IKBKG: variants seen among roughly 807,000 people sequenced by gnomAD.
The protein encoded by IKBKG is inhibitor of nuclear factor kappa B kinase regulatory subunit gamma, also known as NF-kappa-B essential modulator.
A neutral mutation model predicts 13.7 loss-of-function variants in IKBKG; 2 were observed. The observed-to-expected ratio is 0.15, with a 90% CI of 0.06 to 0.46. The LOEUF (loss-of-function observed/expected upper bound fraction) is 0.46. Ranked by LOEUF, IKBKG falls within the 20% of genes least tolerant of loss-of-function variation. IKBKG has a pLI of 0.98. For synonymous variants in IKBKG, 22 were observed against 64.4 expected, an observed-to-expected ratio of 0.34 and a Z score of 3.15; for missense variants, 53 against 150.3, an observed-to-expected ratio of 0.35 and a Z score of 3.39.
intron 1 of IKBKG, among the ~76,000 whole-genome samples, chrX:154,548,602 C>T (rs1437650890): frequency 8.9e-6 from 1 of 112,327 alleles, no homozygotes; most frequent in African/African-American, 3.2e-5. Context: ...CTCGCTCTGT[C>T]GCCCAGGCTG....
In IKBKG at chrX:154,562,814, T is replaced by C; in HGVS notation, c.773T>C (p.Met258Thr). ...SVVGSERKRG[M>T]QLEDLKQQLQ... ...GCTCCCCTTGCCCGTCCTTAGGGAA[T>C]GCAGCTGGAAGATCTCAAACAGCAG... Residue 258 changes from methionine (M) to threonine (T), a missense_variant, in exon 7 of 10, where the codon ATG becomes ACG. Physicochemically the swap from Met to Thr is moderately conservative, Grantham distance 81. This residue lies in a region of IKBKG where 5 missense variants were observed against 16.0 expected (regional missense o/e 0.31). Transcript: ENST00000594239. 4 of 310,014 alleles carry C rather than the reference T, an allele frequency of 1.3e-5. No homozygotes were observed. The South Asian group carries it at 1.6e-4, about 12-fold the overall frequency. The allele number at this position is 310,014 out of a possible 1,213,427, so 25.5% of individuals were successfully genotyped here. A position where few individuals can be genotyped will look rare whatever the true frequency, so the allele number is the denominator to read the frequency against.
chrX:154,547,042 C>T, upstream of IKBKG: 1 of 187,661 alleles, frequency 5.3e-6, no homozygotes, highest in East Asian at 1.1e-4. Flanking sequence ...TGGAGGCCGG[C>T]CCGCCGGCTG....
At chrX:154,544,964 T>C (rs782777764), upstream of IKBKG, among the ~76,000 whole-genome samples, 3 of 112,374 alleles carry the variant, frequency 2.7e-5, no homozygotes, top group East Asian at 5.6e-4. Flanking sequence ...GGTAAGTTAA[T>C]GGCAAAGATG....
chrX:154,541,578 T>G (rs1557231921), intron 1 of IKBKG, among the ~76,000 whole-genome samples: 1 of 111,866 alleles, frequency 8.9e-6, no homozygotes, highest in East Asian at 2.8e-4. Context: ...TCGGGAAACC[T>G]GACAGCTTGG....
upstream of IKBKG, among the ~76,000 whole-genome samples, chrX:154,543,416 G>A (rs782209623): frequency 2.7e-5 from 3 of 112,367 alleles, no homozygotes; most frequent in Non-Finnish European, 5.6e-5. Context: ...TTTGCTACAC[G>A]AAATGCTGAG....
chrX:154,548,215 T>C (rs1557234206), intron 1 of IKBKG: 1 of 506,666 alleles, frequency 2.0e-6, no homozygotes, highest in Non-Finnish European at 2.4e-6. Context: ...CGGAGGTCAC[T>C]ATAGCTGGAG....
intron 2 of IKBKG, among the ~76,000 whole-genome samples, chrX:154,553,449 C>T (rs188694806): frequency 8.9e-6 from 1 of 112,908 alleles, no homozygotes; most frequent in East Asian, 2.8e-4. Context: ...GATGTGTCTC[C>T]TCTTACTGTC....
At chrX:154,554,180 G>A (rs2071004408) in intron 2 of IKBKG, among the ~76,000 whole-genome samples, 2 of 112,647 alleles carry the variant, frequency 1.8e-5, no homozygotes, top group African/African-American at 3.2e-5. Context: ...CCATGGAGGA[G>A]GCTGTACTTA....
chrX:154,550,957 C>T (rs1557234874), intron 1 of IKBKG, among the ~76,000 whole-genome samples: 1 of 110,382 alleles, frequency 9.1e-6, no homozygotes, highest in Admixed American at 9.6e-5. Context: ...GGGCTACAGG[C>T]GCCCGCTACC....
upstream of IKBKG, chrX:154,547,253 CT>C (rs2070765692): frequency 5.9e-6 from 4 of 681,204 alleles, no homozygotes; most frequent in South Asian, 3.0e-4. Flanking sequence ...TGGGCTGTCC[CT>C]CGGCTCCTGG....
chrX:154,546,783 G>A (rs782232679), upstream of IKBKG: 22 of 1,156,157 alleles, frequency 1.9e-5, no homozygotes, highest in Non-Finnish European at 2.1e-5. Context: ...CCGCCCGGCC[G>A]GTTACCTGCG....
At chrX:154,546,839 C>T, upstream of IKBKG, 1 of 1,143,708 alleles carries the variant, frequency 8.7e-7, no homozygotes. Context: ...AAGTGTACGA[C>T]CGTTTCCGGG....
Position 154,549,582 on chromosome X carries a change from CACT to C in IKBKG, c.-16+1839_-16+1841del, listed in dbSNP as rs1380665853. On this transcript the variant is annotated intron_variant, in intron 1 of 9. Transcript: ENST00000594239. Reference sequence around the variant, plus strand: ...GGTGTGAACCACCATGCCTGGCCACCACTATTATTTTCAATAACAGCTTGAGAT... The same window carrying C: ...GGTGTGAACCACCATGCCTGGCCACCATTATTTTCAATAACAGCTTGAGAT... Among the ~76,000 whole-genome samples the C allele has an allele frequency of 3.6e-5, 4 of 111,735 alleles. No homozygotes were observed. In the East Asian group the frequency reaches 1.1e-3, roughly 31 times the overall value.
rs2071139082 is a variant in IKBKG at position 154,562,777 on chromosome X, G to A, written c.769-33G>A. 3 of 280,932 alleles carry A rather than the reference G, an allele frequency of 1.1e-5. No homozygotes were observed. The Admixed American group carries it at 1.9e-4, about 18-fold the overall frequency. The allele number at this position is 280,932 out of a possible 1,213,427, so 23.2% of individuals were successfully genotyped here. A position where few individuals can be genotyped will look rare whatever the true frequency, so the allele number is the denominator to read the frequency against. The stretch of plus-strand genomic sequence containing the variant: ...TCAGCCAGCCTCGCCCTGGGCTGAC[G>A]AGGCTCCGTCAGCTCCCCTTGCCCG... On this transcript the variant is annotated intron_variant, in intron 6 of 9. Coordinates refer to ENST00000594239, the MANE Select transcript of IKBKG (RefSeq NM_001099857.5).
intron 1 of IKBKG, 116 bp downstream of exon 1, chrX:154,547,861 C>T: frequency 1.3e-6 from 1 of 755,166 alleles, no homozygotes; most frequent in Non-Finnish European, 1.6e-6. Flanking sequence ...CGTTCCTGCT[C>T]CGCGCTTCTG....
At chrX:154,553,585 A>G (rs2070992001) in intron 2 of IKBKG, among the ~76,000 whole-genome samples, 1 of 112,471 alleles carries the variant, frequency 8.9e-6, no homozygotes, top group Non-Finnish European at 1.9e-5. Flanking sequence ...TGGAGACCCA[A>G]CATGACCTGC....
upstream of IKBKG, chrX:154,546,266 C>G: frequency 9.5e-7 from 1 of 1,050,957 alleles, no homozygotes; most frequent in Non-Finnish European, 1.3e-6. Context: ...CAGGGTGACA[C>G]CTGATTGCCC....
intron 1 of IKBKG, among the ~76,000 whole-genome samples, chrX:154,551,503 C>T (rs782705492): frequency 4.5e-5 from 5 of 111,579 alleles, no homozygotes; most frequent in African/African-American, 1.6e-4. Context: ...GGCCCACCCA[C>T]GTCACCCAGA....
chrX:154,556,545 GAC>G, intron 3 of IKBKG, 169 bp downstream of exon 3: 1 of 171,767 alleles, frequency 5.8e-6, no homozygotes, highest in African/African-American at 1.7e-4. Context: ...ACAAGGAAAG[GAC>G]ACAGGTTACG....
Sources: allele counts gnomAD v4.1 joint callset (sites outside exome capture counted in the v4.1 genomes callset), GRCh38; gene constraint gnomAD v4.1.1; regional missense constraint gnomAD v4.1.1; transcripts MANE v1.5; gene names NCBI Gene and HGNC (gene_info 2026-07-23, HGNC 2026-07-21).